CP: variants seen among roughly 807,000 people sequenced by gnomAD.
The protein encoded by CP is caeruloplasmin.
CP carries 64 observed loss-of-function variants against 122.4 expected under a neutral mutation model. That is an observed-to-expected ratio of 0.52 (90% CI 0.43 to 0.64). CP has a LOEUF of 0.64. Ranked by LOEUF, CP falls within the 30% of genes least tolerant of loss-of-function variation. CP has a pLI of 0.00. For synonymous variants in CP, 440 were observed against 436.4 expected, an observed-to-expected ratio of 1.01 and a Z score of -0.10; for missense variants, 1,167 against 1,284.4, an observed-to-expected ratio of 0.91 and a Z score of 1.40.
At chr3:149,196,054 T>C (rs1726880303) in intron 9 of CP, among the ~76,000 whole-genome samples, 2 of 152,160 alleles carry the variant, frequency 1.3e-5, no homozygotes, top group South Asian at 4.1e-4. Flanking sequence ...TGATTTTAGA[T>C]ATGTAATTTG....
In CP at chr3:149,193,459, A is replaced by G. The variant is rs377216415; in HGVS notation, c.1713+4908T>C. 4.5e-4 allele frequency among the ~76,000 whole-genome samples: 68 copies of G among 152,306 alleles called. 1 individual carries two copies. Among genetic ancestry groups the G allele is most frequent in the African/African-American group, 1.5e-3 (63 of 41,578 alleles). Reference sequence around the variant, plus strand: ...TTTTTAATGATATAGAAGGATAATCATAATATGTTTAAGTGTATAAAGCAA... The same window carrying G: ...TTTTTAATGATATAGAAGGATAATCGTAATATGTTTAAGTGTATAAAGCAA... On this transcript the variant is annotated intron_variant, in intron 9 of 18. Transcript: ENST00000264613.
downstream of CP, among the ~76,000 whole-genome samples, chr3:149,171,717 T>C (rs991701413): frequency 4.6e-5 from 6 of 131,458 alleles, no homozygotes; most frequent in South Asian, 1.1e-3. Flanking sequence ...TTTTTTTTTT[T>C]GTCCTGAGAT....
rs1264615786 is a variant in CP, at chr3:149,207,509, G to C, written c.890C>G (p.Ala297Gly). 1 of 1,613,964 alleles carries C rather than the reference G, an allele frequency of 6.2e-7. No homozygotes were observed. The highest frequency in any genetic ancestry group is 8.5e-7 in the Non-Finnish European group (1 of 1,179,872). Reference sequence around the variant, plus strand: ...AGTCAGTGCTTGCCCGTGAAAGAAAGCTGCGTGCACATCAACTTCATTACC... The same window carrying C: ...AGTCAGTGCTTGCCCGTGAAAGAAACCTGCGTGCACATCAACTTCATTACC... ...GMGNEVDVHA[A>G]FFHGQALTNK... The change falls in exon 5 of 19, where the codon GCT becomes GGT. Residue 297 changes from alanine (A) to glycine (G), a missense_variant. Ala to Gly is a moderately conservative substitution (Grantham distance 60). Transcript: ENST00000264613.
At chr3:149,167,993 T>C (rs2108187390), downstream of CP, 1 of 1,125,024 alleles carries the variant, frequency 8.9e-7, no homozygotes. Context: ...GGTAAAATGA[T>C]TTTTTTTTTG....
At chr3:149,184,027 TC>T (rs1399780928) in intron 12 of CP, among the ~76,000 whole-genome samples, 1,258 of 111,178 alleles carry the variant, frequency 0.011, 29 homozygotes, top group Non-Finnish European at 0.017. Flanking sequence ...TTCACTTACT[TC>T]TTTTTTTTTT....
intron 5 of CP, chr3:149,165,898 T>C (rs1412443323): frequency 2.4e-6 from 1 of 417,948 alleles, no homozygotes; most frequent in Non-Finnish European, 4.8e-6. Context: ...GTCAGGAAAT[T>C]ATTCACATGA....
At chr3:149,187,040 G>T (rs1039444289) in intron 10 of CP, among the ~76,000 whole-genome samples, 1 of 152,024 alleles carries the variant, frequency 6.6e-6, no homozygotes, top group African/African-American at 2.4e-5. Flanking sequence ...TTCTTTAAGT[G>T]ATTATATTTG....
At chr3:149,179,768 C>T (rs1288603514) in intron 14 of CP, 106 bp from the exon 15 acceptor site, 2 of 756,334 alleles carry the variant, frequency 2.6e-6, no homozygotes, top group African/African-American at 3.5e-5. Context: ...TAACTAGGAC[C>T]CAGGAACTGG....
chr3:149,198,583 G>A lies in CP; in HGVS notation c.1502-5C>T, dbSNP rs775527999. 1 of 1,612,712 alleles carries A rather than the reference G, an allele frequency of 6.2e-7. No homozygotes were observed. The highest frequency in any genetic ancestry group is 1.3e-5 in the African/African-American group (1 of 74,928). ...GGGAGGCTGAAGGAGGCACACCTGT[G>A]AGAAAGGTCACATTAGAGAGGTGAA... On this transcript the variant is annotated splice_region_variant and splice_polypyrimidine_tract_variant and intron_variant, in intron 8 of 18. Coordinates refer to ENST00000264613, the MANE Select transcript of CP (RefSeq NM_000096.4).
chr3:149,217,153 C>A (rs1395974082), intron 1 of CP, among the ~76,000 whole-genome samples: 2 of 152,042 alleles, frequency 1.3e-5, no homozygotes, highest in Non-Finnish European at 2.9e-5. Flanking sequence ...CCTGCCTTGG[C>A]CTCCCAAAGT....
Position 149,221,646 on chromosome 3 carries a change from C to T in CP, c.146+1G>A, listed in dbSNP as rs386134134. On this transcript the variant is annotated splice_donor_variant, in intron 1 of 18. Coordinates refer to ENST00000264613, the MANE Select transcript of CP (RefSeq NM_000096.4). LOFTEE classifies it high-confidence loss of function. ...TATAAACAATAAAAATAGTGACTTACGTGTCAACAGAAATAAGTTTCTTTT... is the reference window on the plus strand; with the variant it reads ...TATAAACAATAAAAATAGTGACTTATGTGTCAACAGAAATAAGTTTCTTTT... The T allele has an allele frequency of 9.9e-6, 16 of 1,611,470 alleles. No homozygotes were observed. Among genetic ancestry groups the T allele is most frequent in the East Asian group, 2.2e-5 (1 of 44,832 alleles).
intron 18 of CP, among the ~76,000 whole-genome samples, chr3:149,174,111 A>G (rs1483846373): frequency 6.6e-6 from 1 of 152,182 alleles, no homozygotes; most frequent in Non-Finnish European, 1.5e-5. Flanking sequence ...CCAAAAGTGC[A>G]TAACCTAAAT....
At chr3:149,167,662 A>G (rs1351983701), downstream of CP, among the ~76,000 whole-genome samples, 1 of 152,256 alleles carries the variant, frequency 6.6e-6, no homozygotes, top group South Asian at 2.1e-4. Context: ...AGCCATGTAC[A>G]TATGTACAAT....
At chr3:149,201,483 G>T (rs148178292) in intron 7 of CP, among the ~76,000 whole-genome samples, 1 of 152,060 alleles carries the variant, frequency 6.6e-6, no homozygotes, top group Admixed American at 6.5e-5. Context: ...TCACAACTTA[G>T]TTATCTATTT....
At chr3:149,218,872 G>T (rs947022191) in intron 1 of CP, among the ~76,000 whole-genome samples, 1 of 151,940 alleles carries the variant, frequency 6.6e-6, no homozygotes, top group Non-Finnish European at 1.5e-5. Flanking sequence ...GCTTAAACTC[G>T]ATTCTTTACC....
rs113804206 is a variant in CP at position 149,164,085 on chromosome 3, T to G, written c.*14-1210A>C. 5.4e-5 allele frequency: 32 copies of G among 598,016 alleles called. 1 individual carries two copies. Among genetic ancestry groups the G allele is most frequent in the African/African-American group, 3.9e-4 (21 of 54,138 alleles). 37.0% of individuals were successfully genotyped at this position (598,016 alleles called of 1,614,324 possible). A position where few individuals can be genotyped will look rare whatever the true frequency, so the allele number is the denominator to read the frequency against. On this transcript the variant is annotated intron_variant, in intron 5 of 5. Coordinates refer to the CP transcript ENST00000479771. Reference sequence around the variant, plus strand: ...GGACAAAATCCATAGTTAGGCATACTCAGGAGACTTGGAGGGAATGCCTGC... The same window carrying G: ...GGACAAAATCCATAGTTAGGCATACGCAGGAGACTTGGAGGGAATGCCTGC...
Position 149,198,569 on chromosome 3 carries a change from G to C in CP, c.1511C>G (p.Pro504Arg). Reference sequence around the variant, plus strand: ...TGTGGGTGCCACATGGGAGGCTGAAGGAGGCACACCTGTGAGAAAGGTCAC... The same window carrying C: ...TGTGGGTGCCACATGGGAGGCTGAACGAGGCACACCTGTGAGAAAGGTCAC... ...NYNPQSRSVP[P>R]SASHVAPTET... Residue 504 changes from proline (P) to arginine (R), a missense_variant, in exon 9 of 19, where the codon CCT becomes CGT. Pro to Arg is a moderately radical substitution (Grantham distance 103). This residue lies in a region of CP where 642 missense variants were observed against 627.3 expected (regional missense o/e 1.02). Coordinates refer to ENST00000264613, the MANE Select transcript of CP (RefSeq NM_000096.4). 1 of 1,613,848 alleles carries C rather than the reference G, an allele frequency of 6.2e-7. No individual in the cohort carries two copies. The highest frequency in any genetic ancestry group is 2.2e-5 in the East Asian group (1 of 44,864).
intron 1 of CP, among the ~76,000 whole-genome samples, chr3:149,218,634 C>A (rs1728613210): frequency 6.6e-6 from 1 of 152,102 alleles, no homozygotes; most frequent in Admixed American, 6.5e-5. Context: ...TAGCATGAAT[C>A]TCTCCACATG....
At position 149,206,273 on chromosome 3, in the gene CP, C is replaced by T; in HGVS notation, c.1103G>A (p.Gly368Glu). Residue 368 changes from glycine (G) to glutamate (E), a missense_variant, in exon 6 of 19, where the codon GGG (glycine) becomes GAG (glutamate). This residue lies in a region of CP where 642 missense variants were observed against 627.3 expected (regional missense o/e 1.02). Transcript: ENST00000264613. ...AATGTAGTAGTGTCTAACATGCTTC[C>T]CACGGATATTATCCTTTGATGAAGA... Reference protein sequence around the residue: ...NKSSSKDNIRGKHVRHYYIAA... With the variant: ...NKSSSKDNIREKHVRHYYIAA... 3 of 1,613,964 alleles carry T rather than the reference C, an allele frequency of 1.9e-6. No homozygotes were observed. The highest frequency in any genetic ancestry group is 2.5e-6 in the Non-Finnish European group (3 of 1,179,892).
Sources: gnomAD v4.1 joint callset for allele counts (sites outside exome capture counted in the v4.1 genomes callset) on GRCh38, gnomAD v4.1.1 for gene constraint, gnomAD v4.1.1 regional missense constraint, MANE v1.5 for transcripts, NCBI Gene and HGNC (gene_info 2026-07-23, HGNC 2026-07-21) for gene names.